The following ZBP1 variants were observed in gnomAD, a reference collection of about 807,000 sequenced individuals.
ZBP1 encodes Z-DNA binding protein 1, also known as Z-DNA-binding protein 1.
Under a neutral mutation model 41.1 loss-of-function variants are expected in ZBP1, and 42 were observed. The ratio of observed to expected loss-of-function variants is 1.02; its 90% CI spans 0.80 to 1.32. The LOEUF (loss-of-function observed/expected upper bound fraction) is 1.32. Among genes scored for constraint, ZBP1 ranks in the 40% most tolerant of loss-of-function variants. ZBP1 has a pLI of 0.00. For missense variants in ZBP1, 562 were observed against 549.7 expected, an observed-to-expected ratio of 1.02 and a Z score of -0.22; for synonymous variants, 214 against 205.2, an observed-to-expected ratio of 1.04 and a Z score of -0.37.
At position 57,609,253 on chromosome 20, in the gene ZBP1, G is replaced by A. The variant is rs570306128; in HGVS notation, c.1093+896C>T. ...TCCAGCTGCCCCCACCCGAGGCCCC[G>A]AGCTCCCTTCTGCAGAGTTGGAATC... On this transcript the variant is annotated intron_variant, in intron 7 of 7. Transcript: ENST00000371173. Among the ~76,000 whole-genome samples the A allele has an allele frequency of 2.8e-4, 43 of 152,262 alleles. 1 individual carries two copies. In the East Asian group the frequency reaches 6.8e-3, roughly 24 times the overall value.
At chr20:57,612,050 A>C in intron 5 of ZBP1, 120 bp from the exon 6 acceptor site, 1 of 1,111,800 alleles carries the variant, frequency 9.0e-7, no homozygotes, top group Non-Finnish European at 1.3e-6. Flanking sequence ...CTGGCGGCCA[A>C]AGACTTCAGG....
At chr20:57,608,453 G>C (rs981479239) in intron 7 of ZBP1, among the ~76,000 whole-genome samples, 1 of 152,200 alleles carries the variant, frequency 6.6e-6, no homozygotes, top group African/African-American at 2.4e-5. Flanking sequence ...ACAGTGCTGT[G>C]TTCTTTCCGG....
In ZBP1 at chr20:57,604,401, G is replaced by T; in HGVS notation, c.*172C>A. 1 of 809,658 alleles carries T rather than the reference G, an allele frequency of 1.2e-6. No individual in the cohort carries two copies. The highest frequency in any genetic ancestry group is 2.1e-6 in the Non-Finnish European group (1 of 480,424). 50.2% of individuals were successfully genotyped at this position (809,658 alleles called of 1,614,324 possible). A position where few individuals can be genotyped will look rare whatever the true frequency, so the allele number is the denominator to read the frequency against. On this transcript the variant is annotated 3_prime_UTR_variant, in exon 8 of 8. Coordinates refer to ENST00000371173, the MANE Select transcript of ZBP1 (RefSeq NM_030776.3). Reference sequence around the variant, plus strand: ...TCTACTCCTGGCCATCAAAAGACCTGGCCTGAACCCATCCCCATGCCAGGT... The same window carrying T: ...TCTACTCCTGGCCATCAAAAGACCTTGCCTGAACCCATCCCCATGCCAGGT...
intron 7 of ZBP1, among the ~76,000 whole-genome samples, chr20:57,609,510 C>T (rs1169014203): frequency 6.6e-6 from 1 of 152,106 alleles, no homozygotes; most frequent in East Asian, 1.9e-4. Context: ...TCAAAGACAA[C>T]AGCGGCTCTC....
chr20:57,611,908 G>C lies in ZBP1; in HGVS notation c.693C>G (p.Leu231=). 6.4e-7 allele frequency: 1 copy of C among 1,564,230 alleles called. No individual in the cohort carries two copies. The highest frequency in any genetic ancestry group is 8.7e-7 in the Non-Finnish European group (1 of 1,153,700). The change falls in exon 6 of 8, where the codon CTC becomes CTG. Residue 231 remains leucine, a synonymous_variant. Coordinates refer to ENST00000371173, the MANE Select transcript of ZBP1 (RefSeq NM_030776.3). ...REDGSAGPRH[L]PSMAPGDSST... ...AGGAATCACCTGGTGCCATTGAAGG[G>C]AGGTGGCGTGGACCGGCGGAACCTG...
At position 57,610,114 on chromosome 20, in the gene ZBP1, G is replaced by A. The variant is rs907715698; in HGVS notation, c.1093+35C>T. 2 of 1,576,310 alleles carry A rather than the reference G, an allele frequency of 1.3e-6. No homozygotes were observed. Among genetic ancestry groups the A allele is most frequent in the East Asian group, 4.5e-5 (2 of 44,486 alleles). ...TGAGTGGAAGGTGGGGAGAGAGAGA[G>A]AACACACAGGGGTCCACTCTGCCCC... On this transcript the variant is annotated intron_variant, in intron 7 of 7. Transcript: ENST00000371173. This position sits in a 1 kb window ranked among gnomAD's most constrained non-coding sequence, Gnocchi z 5.5.
intron 7 of ZBP1, among the ~76,000 whole-genome samples, chr20:57,605,975 T>G (rs1283464344): frequency 6.6e-6 from 1 of 152,096 alleles, no homozygotes; most frequent in Admixed American, 6.6e-5. Flanking sequence ...CCAAACGGCC[T>G]CTATGTGCTA....
chr20:57,604,860 C>T, intron 7 of ZBP1, 91 bp from the exon 8 acceptor site: 1 of 1,272,172 alleles, frequency 7.9e-7, no homozygotes, highest in Non-Finnish European at 1.1e-6. Context: ...TCGAGCTCAG[C>T]TTGAGCCTTT....
intron 7 of ZBP1, among the ~76,000 whole-genome samples, 190 bp downstream of exon 7, chr20:57,609,959 G>A (rs925920134): frequency 3.3e-5 from 5 of 152,106 alleles, no homozygotes; most frequent in South Asian, 4.1e-4. Flanking sequence ...ACTTGGGTGG[G>A]TCCCTCCACT....
intron 1 of ZBP1, among the ~76,000 whole-genome samples, chr20:57,618,415 C>T (rs2070900555): frequency 6.6e-6 from 1 of 152,144 alleles, no homozygotes; most frequent in Admixed American, 6.5e-5. Context: ...CAGTTTGTGC[C>T]TCACCCTGAT....
chr20:57,620,138 T>C, intron 1 of ZBP1, 124 bp downstream of exon 1: 1 of 1,208,380 alleles, frequency 8.3e-7, no homozygotes. Context: ...GCCCAGCTGG[T>C]CTACTATTCT....
intron 5 of ZBP1, 45 bp from the exon 6 acceptor site, chr20:57,611,975 C>T (rs1050047095): frequency 4.6e-6 from 7 of 1,536,168 alleles, no homozygotes; most frequent in African/African-American, 4.1e-5. Context: ...TTACTGCAGG[C>T]TTCTTCCTTT....
chr20:57,604,369 C>T lies in ZBP1; in HGVS notation c.*204G>A. 1 of 712,444 alleles carries T rather than the reference C, an allele frequency of 1.4e-6. No individual in the cohort carries two copies. The highest frequency in any genetic ancestry group is 2.5e-6 in the Non-Finnish European group (1 of 399,154). 44.1% of individuals were successfully genotyped at this position (712,444 alleles called of 1,614,324 possible). On this transcript the variant is annotated 3_prime_UTR_variant, in exon 8 of 8. Coordinates refer to ENST00000371173, the MANE Select transcript of ZBP1 (RefSeq NM_030776.3). The stretch of plus-strand genomic sequence containing the variant: ...CACCAAAGGTTCCCCAAGGCAACTC[C>T]CTGTCATCTACTCCTGGCCATCAAA...
Position 57,615,598 on chromosome 20 carries a change from G to A in ZBP1, c.260-18C>T, listed in dbSNP as rs756857222. ...CCTCTCGGCTGCAGAAAGAAAGATG[G>A]GTCAGAGGGGTGGGGGACAGAAGAC... On this transcript the variant is annotated intron_variant, in intron 2 of 7. Transcript: ENST00000371173. 5 of 1,609,512 alleles carry A rather than the reference G, an allele frequency of 3.1e-6. No homozygotes were observed. The East Asian group carries it at 1.1e-4, about 36-fold the overall frequency.
Position 57,616,019 on chromosome 20 carries a change from C to G in ZBP1, c.259+225G>C, listed in dbSNP as rs1007973436. 1.5e-5 allele frequency: 9 copies of G among 597,092 alleles called. No homozygotes were observed. In the African/African-American group the frequency reaches 1.7e-4, roughly 11 times the overall value. The allele number at this position is 597,092 out of a possible 1,614,324, so 37.0% of individuals were successfully genotyped here. The stretch of plus-strand genomic sequence containing the variant: ...TGTTCTGCAGAGTACCTCCTGTGTG[C>G]AGGGCTGGGCTGAGCCTGACGCAGG... On this transcript the variant is annotated intron_variant, in intron 2 of 7. Coordinates refer to ENST00000371173, the MANE Select transcript of ZBP1 (RefSeq NM_030776.3).
In ZBP1 at chr20:57,610,572, T is replaced by C. The variant is rs1351798540; in HGVS notation, c.875-205A>G. On this transcript the variant is annotated intron_variant, in intron 6 of 7. Transcript: ENST00000371173. This position sits in a 1 kb window ranked among gnomAD's most constrained non-coding sequence, Gnocchi z 5.5. Reference sequence around the variant, plus strand: ...TTGTGCTGTCTGGGAAGCGTCTTTCTGCTCCACTGATCCCGCAGTGGGTCT... The same window carrying C: ...TTGTGCTGTCTGGGAAGCGTCTTTCCGCTCCACTGATCCCGCAGTGGGTCT... The C allele has an allele frequency of 6.6e-6, 4 of 607,746 alleles. No individual in the cohort carries two copies. Among genetic ancestry groups the C allele is most frequent in the South Asian group, 3.9e-5 (2 of 51,210 alleles). 37.6% of individuals were successfully genotyped at this position (607,746 alleles called of 1,614,324 possible). A position where few individuals can be genotyped will look rare whatever the true frequency, so the allele number is the denominator to read the frequency against.
intron 2 of ZBP1, chr20:57,616,036 T>C: frequency 1.6e-6 from 1 of 606,348 alleles, no homozygotes; most frequent in Non-Finnish European, 2.9e-6. Flanking sequence ...GGGCTGAGCC[T>C]GACGCAGGGC....
intron 7 of ZBP1, among the ~76,000 whole-genome samples, chr20:57,605,852 T>A (rs2070481832): frequency 6.6e-6 from 1 of 152,160 alleles, no homozygotes; most frequent in African/African-American, 2.4e-5. Flanking sequence ...AAGAATCCCT[T>A]GAACCTGGGA....
In ZBP1 at chr20:57,604,737, G is replaced by A. The variant is rs373855096; in HGVS notation, c.1126C>T (p.His376Tyr). ...GGCTGACCAATGTCTCGAGGAAAGT[G>A]ACTTCTGGATTGTGTGTCTGCGGGA... ...RRPADTQSRSHFPRDIGQPIT... is the reference protein window; with the variant it reads ...RRPADTQSRSYFPRDIGQPIT... Residue 376 changes from histidine to tyrosine, a missense_variant, in exon 8 of 8, where the codon CAC (histidine) becomes TAC (tyrosine). Coordinates refer to ENST00000371173, the MANE Select transcript of ZBP1 (RefSeq NM_030776.3). The A allele has an allele frequency of 2.4e-5, 39 of 1,614,030 alleles. No individual in the cohort carries two copies. Among genetic ancestry groups the A allele is most frequent in the Non-Finnish European group, 3.1e-5 (36 of 1,180,032 alleles).
Sources: allele counts gnomAD v4.1 joint callset (sites outside exome capture counted in the v4.1 genomes callset), GRCh38; gene constraint gnomAD v4.1.1; non-coding constraint Gnocchi (gnomAD v3.1); transcripts MANE v1.5; gene names NCBI Gene and HGNC (gene_info 2026-07-23, HGNC 2026-07-21).